Variants in ATRIP observed in about 807,000 individuals in gnomAD.
ATRIP encodes the protein ATR interacting protein, also known as ATR-interacting protein.
A neutral mutation model predicts 78.1 loss-of-function variants in ATRIP; 44 were observed. That is an observed-to-expected ratio of 0.56 (90% CI 0.44 to 0.72). The LOEUF (loss-of-function observed/expected upper bound fraction) is 0.72, where lower values mean the gene tolerates loss of function less well. ATRIP is among the 30% of genes least tolerant of loss of function. ATRIP has a pLI of 0.00. For missense variants in ATRIP, 927 were observed against 980.2 expected (o/e 0.95, Z 0.72); for synonymous variants, 388 against 408.9 (o/e 0.95, Z 0.62).
intron 1 of ATRIP, among the ~76,000 whole-genome samples, chr3:48,449,432 AAAG>A (rs1553815444): frequency 6.6e-6 from 1 of 150,436 alleles, no homozygotes. Flanking sequence ...AAAAAAAAAA[AAAG>A]AAGGATCATT....
At chr3:48,450,236 A>T (rs1334517435) in intron 2 of ATRIP, 66 bp downstream of exon 2, 1 of 1,524,320 alleles carries the variant, frequency 6.6e-7, no homozygotes, top group African/African-American at 1.4e-5. Context: ...AGCATTGTAC[A>T]GTAAAATATA....
At chr3:48,457,057 A>T (rs1376674376) in intron 4 of ATRIP, among the ~76,000 whole-genome samples, 1 of 152,206 alleles carries the variant, frequency 6.6e-6, no homozygotes, top group South Asian at 2.1e-4. Context: ...TTAAAATTTT[A>T]AAATATTTTT....
rs761214096 is a variant in ATRIP at position 48,467,544 on chromosome 3, C to T, written c.*1990C>T. 6.2e-6 allele frequency: 10 copies of T among 1,613,756 alleles called. No homozygotes were observed. In the African/African-American group the frequency reaches 6.7e-5, roughly 11 times the overall value. ...GGCCCCACTGGGTCTGCTGGCCATC[C>T]TGACCTTGGCAGTAGCCACACTGTA... On this transcript the variant is annotated 3_prime_UTR_variant, in exon 13 of 13. Transcript: ENST00000320211.
chr3:48,463,153 G>T (rs2040167027), intron 8 of ATRIP, among the ~76,000 whole-genome samples: 1 of 152,174 alleles, frequency 6.6e-6, no homozygotes, highest in Non-Finnish European at 1.5e-5. Context: ...GTTGCCTTGG[G>T]GCTTGGTTTA....
rs759839987 is a variant in ATRIP, at chr3:48,467,532, C to G, written c.*1978C>G. On this transcript the variant is annotated 3_prime_UTR_variant, in exon 13 of 13. Transcript: ENST00000320211. ...GGAGGGGCTGCTGGCCCCACTGGGT[C>G]TGCTGGCCATCCTGACCTTGGCAGT... 5 of 1,613,726 alleles carry G rather than the reference C, an allele frequency of 3.1e-6. No homozygotes were observed. Among genetic ancestry groups the G allele is most frequent in the Non-Finnish European group, 4.2e-6 (5 of 1,179,926 alleles).
chr3:48,463,912 GCTC>G, intron 9 of ATRIP, 31 bp downstream of exon 9: 2 of 1,612,994 alleles, frequency 1.2e-6, no homozygotes, highest in South Asian at 1.1e-5. Flanking sequence ...CGTCTAGACT[GCTC>G]CTGCAGATCA....
At chr3:48,459,326 T>C in intron 5 of ATRIP, 33 bp from the exon 6 acceptor site, 1 of 1,580,540 alleles carries the variant, frequency 6.3e-7, no homozygotes, top group Non-Finnish European at 8.7e-7. Context: ...GCTTCTGGGC[T>C]CAAGTTTTGA....
chr3:48,467,225 C>T lies in ATRIP; in HGVS notation c.*1671C>T. 1 of 1,614,078 alleles carries T rather than the reference C, an allele frequency of 6.2e-7. No homozygotes were observed. The highest frequency in any genetic ancestry group is 8.5e-7 in the Non-Finnish European group (1 of 1,180,026). ...TCTACACTCGCCTGTATGGGCAGTC[C>T]CCTCCAGACTCGCACACGGCTGAGG... is the stretch of plus-strand genomic sequence containing the variant. On this transcript the variant is annotated 3_prime_UTR_variant, in exon 13 of 13. Transcript: ENST00000320211.
chr3:48,462,282 TTTA>T (rs367851661), intron 8 of ATRIP, among the ~76,000 whole-genome samples: 3,239 of 151,540 alleles, frequency 0.021, 109 homozygotes, highest in African/African-American at 0.07. Context: ...AAACCATGTT[TTTA>T]CTGGTGGTAG....
In ATRIP at chr3:48,466,851, A is replaced by G; in HGVS notation, c.*1297A>G. The G allele has an allele frequency of 1.9e-6, 3 of 1,613,832 alleles. No individual in the cohort carries two copies. The highest frequency in any genetic ancestry group is 2.5e-6 in the Non-Finnish European group (3 of 1,180,012). ...TCCTCCACCACCGCGTGTGGTAGACAAGCTCTCCCTGTGTGTGGCTCCGGG... is the reference window on the plus strand; with the variant it reads ...TCCTCCACCACCGCGTGTGGTAGACGAGCTCTCCCTGTGTGTGGCTCCGGG... On this transcript the variant is annotated 3_prime_UTR_variant, in exon 13 of 13. Coordinates refer to ENST00000320211, the MANE Select transcript of ATRIP (RefSeq NM_130384.3).
At chr3:48,453,226 A>C (rs1225267440) in intron 3 of ATRIP, among the ~76,000 whole-genome samples, 1 of 152,222 alleles carries the variant, frequency 6.6e-6, no homozygotes, top group Non-Finnish European at 1.5e-5. Flanking sequence ...AAGGAAAAAC[A>C]GTAGGTATCC....
At chr3:48,459,490 A>G (rs1354889872) in intron 6 of ATRIP, 36 bp downstream of exon 6, 2 of 1,585,184 alleles carry the variant, frequency 1.3e-6, no homozygotes, top group African/African-American at 2.7e-5. Flanking sequence ...AGGGGCCTGC[A>G]TGGCTCTGAG....
chr3:48,457,590 A>G (rs533872782), intron 5 of ATRIP, among the ~76,000 whole-genome samples, 174 bp downstream of exon 5: 2 of 152,328 alleles, frequency 1.3e-5, no homozygotes, highest in East Asian at 1.9e-4. Flanking sequence ...TGGAGGATCT[A>G]TTTCAAGGTG....
rs1333065150 is a variant in ATRIP, at chr3:48,459,905, A to G, written c.1044A>G (p.Pro348=). ...CTGCTGGCACCCCCCTGCAGCCACC[A>G]GGGTTTGGCAGGTAAGCATAAGACT... ...ESPAGTPLQP[P]GFGSTLAGMS... is the part of the protein sequence containing the mutation. Residue 348 remains proline, a synonymous_variant, in exon 7 of 13, where the codon CCA becomes CCG. Transcript: ENST00000320211. 8 of 1,609,980 alleles carry G rather than the reference A, an allele frequency of 5.0e-6. No homozygotes were observed. The highest frequency in any genetic ancestry group is 5.1e-6 in the Non-Finnish European group (6 of 1,178,822).
At chr3:48,449,358 G>C (rs1040759549) in intron 1 of ATRIP, among the ~76,000 whole-genome samples, 1 of 143,286 alleles carries the variant, frequency 7.0e-6, no homozygotes, top group African/African-American at 2.7e-5. Flanking sequence ...AGGTTGCAGT[G>C]AGCCGAGATC....
intron 2 of ATRIP, chr3:48,450,546 C>A (rs959071855): frequency 7.8e-7 from 1 of 1,288,458 alleles, no homozygotes; most frequent in East Asian, 5.5e-5. Flanking sequence ...CTAAGAAAAC[C>A]AGGAATATGT....
intron 12 of ATRIP, among the ~76,000 whole-genome samples, 171 bp from the exon 13 acceptor site, chr3:48,465,316 G>C (rs1325717150): frequency 6.6e-6 from 1 of 152,236 alleles, no homozygotes; most frequent in African/African-American, 2.4e-5. Flanking sequence ...TCCAGAAATA[G>C]CCGTGTCTGA....
chr3:48,458,996 A>G (rs1022836263), intron 5 of ATRIP, among the ~76,000 whole-genome samples: 1 of 152,224 alleles, frequency 6.6e-6, no homozygotes, highest in African/African-American at 2.4e-5. Context: ...CTATATGTAA[A>G]ACAGACCTAA....
Position 48,459,770 on chromosome 3 carries a change from C to A in ATRIP, c.926-17C>A. 1.2e-6 allele frequency: 2 copies of A among 1,607,504 alleles called. No individual in the cohort carries two copies. The highest frequency in any genetic ancestry group is 2.2e-5 in the South Asian group (2 of 89,564). ...CTCCCATGTCAGAACCTTCTAGAGT[C>A]ATCTTGTCTTCTGCAGGTTCCATTT... On this transcript the variant is annotated splice_polypyrimidine_tract_variant and intron_variant, in intron 6 of 12. Transcript: ENST00000320211.
Sources: gnomAD v4.1 joint callset for allele counts (sites outside exome capture counted in the v4.1 genomes callset) on GRCh38, gnomAD v4.1.1 for gene constraint, MANE v1.5 for transcripts, NCBI Gene and HGNC (gene_info 2026-07-23, HGNC 2026-07-21) for gene names.